KATNB1: variants seen among roughly 807,000 people sequenced by gnomAD.
KATNB1 encodes the protein katanin regulatory subunit B1.
KATNB1 carries 38 observed loss-of-function variants against 82.3 expected under a neutral mutation model. The observed-to-expected ratio is 0.46, with a 90% confidence interval of 0.36 to 0.61. The LOEUF is 0.61. Ranked by LOEUF, KATNB1 falls within the 20% of genes least tolerant of loss-of-function variation. The probability of loss-of-function intolerance (pLI) is 0.00; values close to 1 mark genes in which losing one functional copy is unlikely to be tolerated. For synonymous variants in KATNB1, 361 were observed against 368.7 expected, an observed-to-expected ratio of 0.98 and a Z score of 0.24; for missense variants, 749 against 915.7, an observed-to-expected ratio of 0.82 and a Z score of 2.35.
At chr16:57,740,257 G>T (rs1293990048) in intron 2 of KATNB1, among the ~76,000 whole-genome samples, 1 of 152,184 alleles carries the variant, frequency 6.6e-6, no homozygotes, top group Non-Finnish European at 1.5e-5. Flanking sequence ...CGCCCTTGCT[G>T]GCGCTGCTGC....
chr16:57,752,085 G>A, intron 8 of KATNB1, 30 bp downstream of exon 8: 1 of 1,414,306 alleles, frequency 7.1e-7, no homozygotes, highest in South Asian at 1.2e-5. Flanking sequence ...CGAGTTGCTT[G>A]TGACTGCTGT....
At chr16:57,750,419 C>G (rs372430122) in intron 4 of KATNB1, among the ~76,000 whole-genome samples, 3 of 152,278 alleles carry the variant, frequency 2.0e-5, no homozygotes, top group East Asian at 3.9e-4. Flanking sequence ...CACTTGAGGT[C>G]AGGAGGCCAG....
chr16:57,744,830 G>T (rs1034227107), intron 4 of KATNB1, among the ~76,000 whole-genome samples: 5 of 151,860 alleles, frequency 3.3e-5, no homozygotes, highest in East Asian at 1.9e-4. Flanking sequence ...GTCACATGCC[G>T]CCAGGGGCCC....
chr16:57,749,809 G>A (rs1375328494), intron 4 of KATNB1, among the ~76,000 whole-genome samples: 4 of 152,148 alleles, frequency 2.6e-5, no homozygotes, highest in Non-Finnish European at 1.5e-5. Context: ...AGTGGGAGGC[G>A]ATCAGGCCCC....
chr16:57,739,706 T>C (rs565198416), intron 2 of KATNB1, among the ~76,000 whole-genome samples: 3 of 152,238 alleles, frequency 2.0e-5, no homozygotes, highest in Non-Finnish European at 4.4e-5. Context: ...AGGGGAGTGA[T>C]GTGGGCTCCT....
chr16:57,757,054 G>A lies in KATNB1; in HGVS notation c.*108G>A. 1 of 1,280,160 alleles carries A rather than the reference G, an allele frequency of 7.8e-7. No homozygotes were observed. Among genetic ancestry groups the A allele is most frequent in the Non-Finnish European group, 1.0e-6 (1 of 983,702 alleles). The allele number at this position is 1,280,160 out of a possible 1,614,324, so 79.3% of individuals were successfully genotyped here. ...CATGAGCCTCTGCCTGGCCCCTGCTGCTGTCCTGTGGCCGTCCTGGAGGAG... is the reference window on the plus strand; with the variant it reads ...CATGAGCCTCTGCCTGGCCCCTGCTACTGTCCTGTGGCCGTCCTGGAGGAG... On this transcript the variant is annotated 3_prime_UTR_variant, in exon 20 of 20. Transcript: ENST00000379661.
chr16:57,756,790 C>T, intron 19 of KATNB1, 24 bp from the exon 20 acceptor site: 1 of 1,521,152 alleles, frequency 6.6e-7, no homozygotes, highest in Non-Finnish European at 8.8e-7. Context: ...CCAGCTAGCC[C>T]CTCAGGCACT....
At chr16:57,746,993 T>C (rs553010679) in intron 4 of KATNB1, among the ~76,000 whole-genome samples, 1 of 152,358 alleles carries the variant, frequency 6.6e-6, no homozygotes, top group South Asian at 2.1e-4. Context: ...GCGATTCTCC[T>C]GCCTCAGCCT....
chr16:57,751,980 C>T lies in KATNB1; in HGVS notation c.557C>T (p.Pro186Leu), dbSNP rs1555583393. The T allele has an allele frequency of 6.2e-7, 1 of 1,613,896 alleles. No homozygotes were observed. The highest frequency in any genetic ancestry group is 8.5e-7 in the Non-Finnish European group (1 of 1,180,010). Residue 186 changes from proline (P) to leucine (L), a missense_variant, in exon 8 of 20, where the codon CCT becomes CTT. Coordinates refer to ENST00000379661, the MANE Select transcript of KATNB1 (RefSeq NM_005886.3). This position sits in a 1 kb window ranked among gnomAD's most constrained non-coding sequence, Gnocchi z 6.3. ...GCCGGCAAGATGATGTCTGAGTTCC[C>T]TGGTCACACGGGGCCTGTCAACGTG... ...LTAGKMMSEF[P>L]GHTGPVNVVE...
intron 2 of KATNB1, among the ~76,000 whole-genome samples, chr16:57,738,462 G>A (rs1343018637): frequency 8.6e-5 from 13 of 151,908 alleles, no homozygotes; most frequent in Non-Finnish European, 1.3e-4. Flanking sequence ...CACCATGTTG[G>A]CCAGACTCGT....
intron 4 of KATNB1, 128 bp from the exon 5 acceptor site, chr16:57,750,699 G>A (rs879978514): frequency 1.3e-5 from 9 of 713,630 alleles, no homozygotes; most frequent in South Asian, 1.1e-4. Flanking sequence ...TTTTAAAAAT[G>A]TGTGTTATTG....
intron 2 of KATNB1, among the ~76,000 whole-genome samples, chr16:57,738,073 G>A (rs561226233): frequency 2.0e-5 from 3 of 152,080 alleles, no homozygotes; most frequent in Admixed American, 6.6e-5. Context: ...CAGACCCCCC[G>A]AAAGGATCTT....
rs781877836 is a variant in KATNB1, at chr16:57,752,818, G to A, written c.745G>A (p.Gly249Ser). ...FNPDGCCLYS[G>S]CQDSLRVYGW... ...CCCAGACGGCTGCTGCCTGTACAGC[G>A]GCTGCCAGGACTCACTGCGTGTCTA... The change falls in exon 10 of 20, where the codon GGC (glycine) becomes AGC (serine). Residue 249 changes from glycine (G) to serine (S), a missense_variant. Gly to Ser is a moderately conservative substitution (Grantham distance 56, BLOSUM62 0). Around this residue, in one of 3 missense-constraint regions of KATNB1, gnomAD observed 247 missense variants for 349.4 expected, o/e 0.71. Coordinates refer to ENST00000379661, the MANE Select transcript of KATNB1 (RefSeq NM_005886.3). 5.6e-6 allele frequency: 9 copies of A among 1,610,968 alleles called. No individual in the cohort carries two copies. The highest frequency in any genetic ancestry group is 5.5e-5 in the South Asian group (5 of 90,926).
In KATNB1 at chr16:57,756,484, G is replaced by T. The variant is rs782356939; in HGVS notation, c.1835+12G>T. The T allele has an allele frequency of 6.2e-7, 1 of 1,604,572 alleles. No homozygotes were observed. The highest frequency in any genetic ancestry group is 1.7e-5 in the Admixed American group (1 of 59,786). On this transcript the variant is annotated intron_variant, in intron 19 of 19. Transcript: ENST00000379661. The stretch of plus-strand genomic sequence containing the variant: ...AGCAGGGAGGAGAGGTGAGGGCAGC[G>T]CATGTGTTGGGGGCAGGGGTGCCAC...
Position 57,752,566 on chromosome 16 carries a change from G to A in KATNB1, c.669G>A (p.Val223=), listed in dbSNP as rs2049237036. 17 of 1,570,528 alleles carry A rather than the reference G, an allele frequency of 1.1e-5. No homozygotes were observed. Among genetic ancestry groups the A allele is most frequent in the Non-Finnish European group, 1.5e-5 (17 of 1,157,836 alleles). ...TCTGGGACCTGGAGAAGTTCCAGGTGGTGAGCTGCATCGAAGGGGAGCCTG... is the reference window on the plus strand; with the variant it reads ...TCTGGGACCTGGAGAAGTTCCAGGTAGTGAGCTGCATCGAAGGGGAGCCTG... The part of the protein sequence containing the change: ...IRFWDLEKFQ[V]VSCIEGEPGP... The change falls in exon 9 of 20, where the codon GTG becomes GTA. Residue 223 remains valine (V), a synonymous_variant. Coordinates refer to ENST00000379661, the MANE Select transcript of KATNB1 (RefSeq NM_005886.3).
At chr16:57,755,594 G>A (rs2049269862) in intron 16 of KATNB1, 100 bp downstream of exon 16, 2 of 1,465,910 alleles carry the variant, frequency 1.4e-6, no homozygotes, top group Non-Finnish European at 1.9e-6. Flanking sequence ...ACCCATGGGG[G>A]ACAGTGTGGG....
rs2049228976 is a variant in KATNB1, at chr16:57,751,656, G to A, written c.448G>A (p.Val150Met). ...CCTCCCTCAGGGGCACAGCCAGGCC[G>A]TGCGGTGTCTCCGGTTCAGCCCCGA... ...VFRYRGHSQA[V>M]RCLRFSPDGK... The change falls in exon 7 of 20, where the codon GTG becomes ATG. Residue 150 changes from valine to methionine, a missense_variant. Val to Met is a conservative substitution (Grantham distance 21, BLOSUM62 1). This residue lies in a region of KATNB1 where 247 missense variants were observed against 349.4 expected (regional missense o/e 0.71). Transcript: ENST00000379661. The surrounding 1 kb of genome is among the most constrained non-coding windows in gnomAD (Gnocchi z 6.3). 3.1e-6 allele frequency: 5 copies of A among 1,611,346 alleles called. No individual in the cohort carries two copies. Among genetic ancestry groups the A allele is most frequent in the South Asian group, 1.1e-5 (1 of 91,078 alleles).
chr16:57,747,810 C>G (rs1460058366), intron 4 of KATNB1, among the ~76,000 whole-genome samples: 3 of 152,208 alleles, frequency 2.0e-5, no homozygotes, highest in African/African-American at 7.2e-5. Flanking sequence ...GGGCGCCGTG[C>G]CCCCTGTCCA....
rs190229426 is a variant in KATNB1, at chr16:57,754,659, T to C, written c.1229-271T>C. Among the ~76,000 whole-genome samples, 98 of 152,160 alleles carry C rather than the reference T, an allele frequency of 6.4e-4. 1 individual carries two copies. In the East Asian group the frequency reaches 0.017, roughly 27 times the overall value. ...GCCAGTCATCCCAGCCCCCTCCACA[T>C]ACATGCCAGTGAAGGGACAGGATGG... On this transcript the variant is annotated intron_variant, in intron 13 of 19. Coordinates refer to ENST00000379661, the MANE Select transcript of KATNB1 (RefSeq NM_005886.3).
Sources: gnomAD v4.1 joint callset for allele counts (sites outside exome capture counted in the v4.1 genomes callset) on GRCh38, gnomAD v4.1.1 for gene constraint, gnomAD v4.1.1 regional missense constraint, Gnocchi (gnomAD v3.1) non-coding constraint, MANE v1.5 for transcripts, NCBI Gene and HGNC (gene_info 2026-07-23, HGNC 2026-07-21) for gene names.